TC2N: variants seen among roughly 807,000 people sequenced by gnomAD.
TC2N encodes the protein tandem C2 domains nuclear protein.
A neutral mutation model predicts 61.9 loss-of-function variants in TC2N; 51 were observed. That is an observed-to-expected ratio of 0.82 (90% CI 0.66 to 1.04). TC2N has a LOEUF of 1.04. Ranked by LOEUF, TC2N falls within the 50% of genes least tolerant of loss-of-function variation. TC2N has a pLI of 0.00. For synonymous variants in TC2N, 204 were observed against 192.6 expected (o/e 1.06, Z -0.49); for missense variants, 556 against 566.7 (o/e 0.98, Z 0.19).
chr14:91,831,088 G>C (rs117165238), intron 1 of TC2N, among the ~76,000 whole-genome samples: 2,437 of 152,204 alleles, frequency 0.016, 29 homozygotes, highest in Non-Finnish European at 0.025. Flanking sequence ...AGACTTAAAG[G>C]CTCCTTTAGT....
Position 91,781,841 on chromosome 14 carries a change from T to C in TC2N, c.*1259A>G, listed in dbSNP as rs1465154870. On this transcript the variant is annotated 3_prime_UTR_variant, in exon 12 of 12. Coordinates refer to ENST00000435962, the MANE Select transcript of TC2N (RefSeq NM_001128596.3). ...AAGTGTTTATTTGGGAAAATGTTAA[T>C]GATATACACAGAACATAGGAGCTGG... is the stretch of plus-strand genomic sequence containing the variant. The C allele has an allele frequency of 1.3e-5, 2 of 152,030 alleles. No individual in the cohort carries two copies. Among genetic ancestry groups the C allele is most frequent in the Non-Finnish European group, 2.9e-5 (2 of 67,936 alleles). The allele number at this position is 152,030 out of a possible 1,614,324, so 9.4% of individuals were successfully genotyped here. A position where few individuals can be genotyped will look rare whatever the true frequency, so the allele number is the denominator to read the frequency against.
rs549756199 is a variant in TC2N at position 91,820,564 on chromosome 14, T to C, written c.-56-6739A>G. ...AGCCAGGAAAAAAAAAAAAGATTTCTACTCTCTCTACCTTTATTCAACACT... is the reference window on the plus strand; with the variant it reads ...AGCCAGGAAAAAAAAAAAAGATTTCCACTCTCTCTACCTTTATTCAACACT... On this transcript the variant is annotated intron_variant, in intron 1 of 11. Transcript: ENST00000435962. 2.0e-5 allele frequency among the ~76,000 whole-genome samples: 3 copies of C among 151,924 alleles called. No individual in the cohort carries two copies. In the South Asian group the frequency reaches 6.2e-4, roughly 31 times the overall value.
chr14:91,846,104 T>C (rs1315342355), intron 1 of TC2N, among the ~76,000 whole-genome samples: 2 of 152,198 alleles, frequency 1.3e-5, no homozygotes, highest in Non-Finnish European at 2.9e-5. Context: ...GGAAGTACCC[T>C]GAAATCCAAC....
chr14:91,803,447 A>AAT (rs1469660534), intron 3 of TC2N, among the ~76,000 whole-genome samples: 16 of 149,292 alleles, frequency 1.1e-4, no homozygotes, highest in East Asian at 3.9e-4. Flanking sequence ...ATATAATTTT[A>AAT]TTTATTTATT....
At chr14:91,795,544 G>A (rs1475959742) in intron 8 of TC2N, among the ~76,000 whole-genome samples, 2 of 152,086 alleles carry the variant, frequency 1.3e-5, no homozygotes, top group East Asian at 3.8e-4. Context: ...ATTACAACTT[G>A]CTGAAGACTC....
chr14:91,863,807 G>A (rs1378040084), intron 1 of TC2N, among the ~76,000 whole-genome samples: 1 of 134,188 alleles, frequency 7.5e-6, no homozygotes, highest in Non-Finnish European at 1.6e-5. Context: ...GCAAAAAAGC[G>A]AGACCCCAGA....
At chr14:91,859,309 A>T (rs906153266) in intron 1 of TC2N, among the ~76,000 whole-genome samples, 1 of 152,182 alleles carries the variant, frequency 6.6e-6, no homozygotes, top group African/African-American at 2.4e-5. Flanking sequence ...AAAATTAAAA[A>T]AAAAGAAGTA....
At chr14:91,816,053 C>T (rs1886988644) in intron 1 of TC2N, among the ~76,000 whole-genome samples, 1 of 151,732 alleles carries the variant, frequency 6.6e-6, no homozygotes, top group Admixed American at 6.6e-5. Context: ...TAAATTGTTT[C>T]ATCTTTTGTT....
At chr14:91,794,641 T>C (rs1885815009) in intron 8 of TC2N, among the ~76,000 whole-genome samples, 2 of 152,132 alleles carry the variant, frequency 1.3e-5, no homozygotes, top group Admixed American at 1.3e-4. Context: ...AAGTCTACTA[T>C]TGAGATCTAC....
chr14:91,792,353 C>T lies in TC2N; in HGVS notation c.1047+14G>A, dbSNP rs73337853. ...AAAAGTATGAAATACTCTTAACATA[C>T]TATTATCGCTTACAGAAATTTTTGA... is the stretch of plus-strand genomic sequence containing the variant. On this transcript the variant is annotated intron_variant, in intron 9 of 11. Transcript: ENST00000435962. 4.6e-3 allele frequency: 7,140 copies of T among 1,557,318 alleles called. 287 individuals are homozygous for T. The African/African-American group carries it at 0.086, about 19-fold the overall frequency.
chr14:91,791,588 C>T (rs1233656375), intron 9 of TC2N, among the ~76,000 whole-genome samples: 1 of 151,276 alleles, frequency 6.6e-6, no homozygotes, highest in Admixed American at 6.6e-5. Context: ...AAGCTTTTTA[C>T]AGAAAAAAAA....
chr14:91,855,598 T>G (rs1413934759), intron 1 of TC2N, among the ~76,000 whole-genome samples: 1 of 152,246 alleles, frequency 6.6e-6, no homozygotes, highest in Non-Finnish European at 1.5e-5. Context: ...CTTGACTAAT[T>G]ACATGTGCAA....
chr14:91,802,159 T>G, intron 4 of TC2N, 95 bp downstream of exon 4: 11 of 1,146,984 alleles, frequency 9.6e-6, no homozygotes. Context: ...AAAATGCTTT[T>G]AATAGTAAAA....
chr14:91,784,916 C>T (rs969381572), intron 11 of TC2N, among the ~76,000 whole-genome samples: 8 of 152,064 alleles, frequency 5.3e-5, no homozygotes, highest in Non-Finnish European at 7.4e-5. Flanking sequence ...TAATTCTCAT[C>T]GTTTTTGAAG....
Position 91,814,986 on chromosome 14 carries a change from G to A in TC2N, c.-56-1161C>T, listed in dbSNP as rs539490070. ...CAATTTGTTCAATTTGAAAAGTAAA[G>A]AAAAAGCATATTTAAAAAAAAGTAA... is the stretch of plus-strand genomic sequence containing the variant. On this transcript the variant is annotated intron_variant, in intron 1 of 11. Coordinates refer to ENST00000435962, the MANE Select transcript of TC2N (RefSeq NM_001128596.3). Among the ~76,000 whole-genome samples, 30 of 151,298 alleles carry A rather than the reference G, an allele frequency of 2.0e-4. 1 individual carries two copies. The highest frequency in any genetic ancestry group is 6.8e-3 in the Middle Eastern group (2 of 292).
intron 1 of TC2N, among the ~76,000 whole-genome samples, chr14:91,861,285 G>A (rs1258955093): frequency 1.3e-5 from 2 of 152,154 alleles, no homozygotes; most frequent in African/African-American, 2.4e-5. Flanking sequence ...TTTTAAAGCC[G>A]GAACAGGAAG....
intron 1 of TC2N, among the ~76,000 whole-genome samples, chr14:91,828,470 TTTATA>T (rs1348489247): frequency 6.6e-6 from 1 of 152,008 alleles, no homozygotes; most frequent in East Asian, 1.9e-4. Context: ...TATGTTTATA[TTTATA>T]TTATATATCT....
chr14:91,801,707 T>A (rs553631892), intron 4 of TC2N, among the ~76,000 whole-genome samples: 1 of 152,278 alleles, frequency 6.6e-6, no homozygotes, highest in South Asian at 2.1e-4. Context: ...GACAAAATAA[T>A]CTGAAAACAA....
chr14:91,863,518 T>C (rs1174367299), intron 1 of TC2N, among the ~76,000 whole-genome samples: 2 of 151,914 alleles, frequency 1.3e-5, no homozygotes, highest in African/African-American at 4.8e-5. Context: ...CCTAAAAAGG[T>C]GAGATAGCTT....
Sources: gnomAD v4.1 joint callset for allele counts (sites outside exome capture counted in the v4.1 genomes callset) on GRCh38, gnomAD v4.1.1 for gene constraint, MANE v1.5 for transcripts, NCBI Gene and HGNC (gene_info 2026-07-23, HGNC 2026-07-21) for gene names.